SUSD1: variants seen among roughly 807,000 people sequenced by gnomAD.
SUSD1 encodes the protein sushi domain containing 1.
SUSD1 carries 65 observed loss-of-function variants against 86.9 expected under a neutral mutation model. That is an observed-to-expected ratio of 0.75 (90% CI 0.61 to 0.92). SUSD1 has a LOEUF of 0.92. SUSD1 is among the 40% of genes least tolerant of loss of function. SUSD1 has a pLI of 0.00. For synonymous variants in SUSD1, 346 were observed against 350.0 expected, an observed-to-expected ratio of 0.99 and a Z score of 0.13; for missense variants, 850 against 929.7, an observed-to-expected ratio of 0.91 and a Z score of 1.11.
At chr9:112,129,125 G>A (rs1831906918) in intron 5 of SUSD1, among the ~76,000 whole-genome samples, 1 of 152,154 alleles carries the variant, frequency 6.6e-6, no homozygotes, top group South Asian at 2.1e-4. Context: ...ATAGGGTCTT[G>A]GATGGACTTC....
At chr9:112,129,679 A>C (rs997222551) in intron 5 of SUSD1, among the ~76,000 whole-genome samples, 1 of 152,114 alleles carries the variant, frequency 6.6e-6, no homozygotes, top group African/African-American at 2.4e-5. Flanking sequence ...TGCCTTGCAG[A>C]TTTAGTGTCT....
intron 6 of SUSD1, among the ~76,000 whole-genome samples, chr9:112,118,651 A>T (rs1831427092): frequency 6.6e-6 from 1 of 151,960 alleles, no homozygotes; most frequent in Admixed American, 6.6e-5. Flanking sequence ...CACCCAGCTA[A>T]TTTTTGTATC....
At position 112,098,612 on chromosome 9, in the gene SUSD1, T is replaced by A; in HGVS notation, c.1332A>T (p.Thr444=). ...GTTCCCTCGTTGTGAAGTTAAACGA[T>A]GTTGCATGAGAAAAGTTAGCCAGAT... ...RWYLANFSHA[T]SFNFTTREQV... is the part of the protein sequence containing the mutation. The change falls in exon 10 of 17, where the codon ACA becomes ACT. Residue 444 remains threonine (T), a synonymous_variant. Coordinates refer to ENST00000374270, the MANE Select transcript of SUSD1 (RefSeq NM_022486.5). 1.9e-6 allele frequency: 3 copies of A among 1,614,142 alleles called. No individual in the cohort carries two copies. The highest frequency in any genetic ancestry group is 2.2e-5 in the East Asian group (1 of 44,872).
At chr9:112,173,125 G>A (rs922972945) in intron 1 of SUSD1, among the ~76,000 whole-genome samples, 1 of 152,100 alleles carries the variant, frequency 6.6e-6, no homozygotes, top group Non-Finnish European at 1.5e-5. Flanking sequence ...TGAAATAGAC[G>A]CCAAGCATCT....
intron 1 of SUSD1, among the ~76,000 whole-genome samples, chr9:112,170,497 C>T (rs1833990380): frequency 6.6e-6 from 1 of 152,022 alleles, no homozygotes; most frequent in South Asian, 2.1e-4. Context: ...TCCCCTGGGC[C>T]CTGCACCCCA....
intron 10 of SUSD1, among the ~76,000 whole-genome samples, chr9:112,082,500 T>A (rs1046969132): frequency 1.3e-5 from 2 of 152,064 alleles, no homozygotes; most frequent in African/African-American, 4.8e-5. Context: ...GAGGTTAAAC[T>A]GATGAGCTTT....
At chr9:112,135,064 A>C (rs1048100857) in intron 5 of SUSD1, among the ~76,000 whole-genome samples, 3 of 86,524 alleles carry the variant, frequency 3.5e-5, no homozygotes, top group African/African-American at 1.8e-4. Flanking sequence ...AAACTGTCTC[A>C]AAAAAAAAAA....
chr9:112,085,324 G>A (rs1203342927), intron 10 of SUSD1, among the ~76,000 whole-genome samples: 1 of 152,220 alleles, frequency 6.6e-6, no homozygotes, highest in Non-Finnish European at 1.5e-5. Flanking sequence ...GAAAGTAAAT[G>A]TAAGTAATAG....
intron 5 of SUSD1, among the ~76,000 whole-genome samples, chr9:112,124,800 G>A (rs148690781): frequency 1.3e-5 from 2 of 152,128 alleles, no homozygotes; most frequent in African/African-American, 4.8e-5. Flanking sequence ...CCAACTGACT[G>A]TTAAATAGAA....
Position 112,098,583 on chromosome 9 carries a change from A to G in SUSD1, c.1361T>C (p.Val454Ala). The G allele has an allele frequency of 6.2e-7, 1 of 1,614,216 alleles. No homozygotes were observed. Among genetic ancestry groups the G allele is most frequent in the East Asian group, 2.2e-5 (1 of 44,880 alleles). The change falls in exon 10 of 17, where the codon GTG (valine) becomes GCG (alanine). Residue 454 changes from valine to alanine, a missense_variant. By Grantham distance (64) the Val-to-Ala change is moderately conservative. Transcript: ENST00000374270. ...GTACAGATCCAAACACACTACAGGC[A>G]CTTGTTCCCTCGTTGTGAAGTTAAA... ...TSFNFTTREQVPVVCLDLYPT... is the reference protein window; with the variant it reads ...TSFNFTTREQAPVVCLDLYPT...
intron 5 of SUSD1, among the ~76,000 whole-genome samples, chr9:112,138,259 G>A (rs201521633): frequency 0.061 from 1,077 of 17,714 alleles, 26 homozygotes; most frequent in East Asian, 0.14. Context: ...ATATATATGT[G>A]TATATACATA....
intron 1 of SUSD1, among the ~76,000 whole-genome samples, chr9:112,162,584 T>C (rs771713071): frequency 5.9e-5 from 9 of 152,196 alleles, no homozygotes; most frequent in African/African-American, 9.7e-5. Context: ...ATAATAGACA[T>C]AAATATGATT....
intron 10 of SUSD1, among the ~76,000 whole-genome samples, chr9:112,086,842 C>A (rs575306532): frequency 1.6e-3 from 233 of 148,094 alleles, no homozygotes; most frequent in Non-Finnish European, 2.4e-3. Context: ...AACAAACAAA[C>A]AAAAAAAACC....
At position 112,149,365 on chromosome 9, in the gene SUSD1, G is replaced by A. The variant is rs1311012005; in HGVS notation, c.252C>T (p.Val84=). The change falls in exon 3 of 17, where the codon GTC becomes GTT. Residue 84 remains valine, a synonymous_variant. Transcript: ENST00000374270. ...TGTGGCAAGATGTGTGGTTCCCACAGACAAGAGTGGCTCCAAACTGGCACT... is the reference window on the plus strand; with the variant it reads ...TGTGGCAAGATGTGTGGTTCCCACAAACAAGAGTGGCTCCAAACTGGCACT... The part of the protein sequence containing the change: ...KNECQFGATL[V]CGNHTSCHNT... 1 of 1,614,144 alleles carries A rather than the reference G, an allele frequency of 6.2e-7. No homozygotes were observed. Among genetic ancestry groups the A allele is most frequent in the Admixed American group, 1.7e-5 (1 of 60,014 alleles).
At chr9:112,117,988 G>A (rs1168680256) in intron 6 of SUSD1, among the ~76,000 whole-genome samples, 2 of 152,204 alleles carry the variant, frequency 1.3e-5, no homozygotes, top group Non-Finnish European at 2.9e-5. Context: ...GAGGGAATAA[G>A]ACAGTGAGCC....
intron 6 of SUSD1, among the ~76,000 whole-genome samples, chr9:112,114,874 T>C (rs1213246117): frequency 6.6e-6 from 1 of 152,206 alleles, no homozygotes; most frequent in Non-Finnish European, 1.5e-5. Flanking sequence ...CTTCAGCGTC[T>C]AAGGACACTG....
chr9:112,065,453 A>G (rs1362285064), intron 12 of SUSD1, among the ~76,000 whole-genome samples: 1 of 152,190 alleles, frequency 6.6e-6, no homozygotes, highest in East Asian at 1.9e-4. Flanking sequence ...TGAAGCTGGG[A>G]GGCAGAGGTT....
At position 112,058,427 on chromosome 9, in the gene SUSD1, C is replaced by T; in HGVS notation, c.2109+1G>A. On this transcript the variant is annotated splice_donor_variant, in intron 14 of 16. Transcript: ENST00000374270. LOFTEE classifies it high-confidence loss of function. ...TCACAAGAGCTTGGAAAGAAAGATA[C>T]CTTATTCCATTCACTTGTGATTCGT... 1 of 1,613,354 alleles carries T rather than the reference C, an allele frequency of 6.2e-7. No individual in the cohort carries two copies. The highest frequency in any genetic ancestry group is 8.5e-7 in the Non-Finnish European group (1 of 1,179,504).
At chr9:112,135,136 G>A (rs1832206262) in intron 5 of SUSD1, among the ~76,000 whole-genome samples, 1 of 151,958 alleles carries the variant, frequency 6.6e-6, no homozygotes. Flanking sequence ...TTGCCATGAA[G>A]CACATTCTCA....
Sources: gnomAD v4.1 joint callset for allele counts (sites outside exome capture counted in the v4.1 genomes callset) on GRCh38, gnomAD v4.1.1 for gene constraint, MANE v1.5 for transcripts, NCBI Gene and HGNC (gene_info 2026-07-23, HGNC 2026-07-21) for gene names.